Variants in HTN1 observed in about 807,000 individuals in gnomAD.
The protein encoded by HTN1 is histatin-1.
A neutral mutation model predicts 11.2 loss-of-function variants in HTN1; 18 were observed. The observed-to-expected ratio is 1.61, with a 90% CI of 1.12 to 2.39. The LOEUF (loss-of-function observed/expected upper bound fraction) is 2.39. Among genes scored for constraint, HTN1 ranks in the 30% most tolerant of loss-of-function variants. HTN1 has a pLI of 0.00. For synonymous variants in HTN1, 21 were observed against 20.5 expected (o/e 1.02, Z -0.07); for missense variants, 80 against 67.2 (o/e 1.19, Z -0.67).
intron 2 of HTN1, among the ~76,000 whole-genome samples, chr4:70,053,871 A>G (rs1050170356): frequency 2.6e-5 from 4 of 152,190 alleles, no homozygotes; most frequent in Non-Finnish European, 5.9e-5. Context: ...ATCACAGTTT[A>G]TCACGTGATT....
chr4:70,051,126 A>G (rs1335917254), intron 1 of HTN1, among the ~76,000 whole-genome samples: 5 of 152,168 alleles, frequency 3.3e-5, no homozygotes, highest in African/African-American at 9.7e-5. Flanking sequence ...TTAATTCTAC[A>G]TTTAACTTAA....
At position 70,053,072 on chromosome 4, in the gene HTN1, C is replaced by G. The variant is rs970313919; in HGVS notation, c.-5C>G. ...CATGTTTGATTTTATAGGACTCAGC[C>G]AACTATGAAGTTTTTTGTCTTTGCT... On this transcript the variant is annotated 5_prime_UTR_variant, in exon 2 of 6. Transcript: ENST00000246896. The G allele has an allele frequency of 1.6e-5, 25 of 1,601,078 alleles. No individual in the cohort carries two copies. The African/African-American group carries it at 3.4e-4, about 21-fold the overall frequency.
chr4:70,052,935 C>G, intron 1 of HTN1, 129 bp from the exon 2 acceptor site: 4 of 661,508 alleles, frequency 6.0e-6, no homozygotes, highest in Admixed American at 4.5e-5. Context: ...TGTGCTCATG[C>G]CCCTGCACTC....
intron 2 of HTN1, 66 bp downstream of exon 2, chr4:70,053,193 CT>C (rs777364472): frequency 1.9e-6 from 2 of 1,057,808 alleles, no homozygotes; most frequent in Non-Finnish European, 2.9e-6. Context: ...TCTCTTATTC[CT>C]TGTGTTCTGG....
chr4:70,055,448 T>C (rs72651134), intron 4 of HTN1, 50 bp from the exon 5 acceptor site: 101,077 of 1,304,078 alleles, frequency 0.078, 4,588 homozygotes, highest in Middle Eastern at 0.1. Context: ...ACACTTGTAT[T>C]GTCATTCTCT....
chr4:70,052,452 C>T (rs904347578), intron 1 of HTN1, among the ~76,000 whole-genome samples: 4 of 152,102 alleles, frequency 2.6e-5, no homozygotes, highest in Non-Finnish European at 5.9e-5. Flanking sequence ...ATGTGTTGAA[C>T]TGTTTGCATT....
intron 1 of HTN1, 43 bp from the exon 2 acceptor site, chr4:70,053,021 A>C (rs1306337630): frequency 8.6e-7 from 1 of 1,161,212 alleles, no homozygotes; most frequent in Non-Finnish European, 1.3e-6. Flanking sequence ...GAATGAATGC[A>C]TGAAAGAATG....
chr4:70,054,573 T>A (rs1560435633), intron 4 of HTN1, 123 bp downstream of exon 4: 1 of 651,888 alleles, frequency 1.5e-6, no homozygotes. Flanking sequence ...AAGTGCACAT[T>A]GATTTCATTT....
chr4:70,052,079 A>G (rs1452256174), intron 1 of HTN1, among the ~76,000 whole-genome samples: 1 of 152,192 alleles, frequency 6.6e-6, no homozygotes, highest in African/African-American at 2.4e-5. Context: ...AAAGCATATC[A>G]GAGTCCCAGA....
intron 1 of HTN1, among the ~76,000 whole-genome samples, chr4:70,051,974 G>T (rs1460627812): frequency 2.0e-5 from 3 of 152,096 alleles, no homozygotes; most frequent in Non-Finnish European, 4.4e-5. Flanking sequence ...CAATGGAAAT[G>T]CTTTTATTTA....
Position 70,053,125 on chromosome 4 carries a change from A to G in HTN1, c.49A>G (p.Ile17Val). ...AGTCTTGGCTCTCATGATTTCCATG[A>G]TTGTAAGTATATCTGGAAATTTTAA... ...ALVLALMISMISADSHEKRHH... is the reference protein window; with the variant it reads ...ALVLALMISMVSADSHEKRHH... Residue 17 changes from isoleucine (I) to valine (V), a missense_variant and splice_region_variant, in exon 2 of 6, where the codon ATT becomes GTT. Physicochemically the swap from Ile to Val is conservative, Grantham distance 29. Transcript: ENST00000246896. The G allele has an allele frequency of 1.3e-6, 2 of 1,598,002 alleles. No individual in the cohort carries two copies. Among genetic ancestry groups the G allele is most frequent in the Non-Finnish European group, 1.7e-6 (2 of 1,165,782 alleles).
rs746786867 is a variant in HTN1 at position 70,054,328 on chromosome 4, G to T, written c.58G>T (p.Asp20Tyr). Residue 20 changes from aspartate (D) to tyrosine (Y), a missense_variant, in exon 3 of 6, where the codon GAT (aspartate) becomes TAT (tyrosine). Transcript: ENST00000246896. ...LALMISMISADSHEKRHHGYR... is the reference protein window; with the variant it reads ...LALMISMISAYSHEKRHHGYR... ...CATTTTCTTTTTTTCCAAGAGCGCT[G>T]ATTCACATGAAAAGGTAAGACATTT... 1.2e-5 allele frequency: 18 copies of T among 1,509,808 alleles called. No homozygotes were observed. The African/African-American group carries it at 2.4e-4, about 20-fold the overall frequency. The allele number at this position is 1,509,808 out of a possible 1,614,324, so 93.5% of individuals were successfully genotyped here. A position where few individuals can be genotyped will look rare whatever the true frequency, so the allele number is the denominator to read the frequency against.
chr4:70,053,868 T>C (rs1210635165), intron 2 of HTN1, among the ~76,000 whole-genome samples: 1 of 152,154 alleles, frequency 6.6e-6, no homozygotes, highest in East Asian at 1.9e-4. Flanking sequence ...GATATCACAG[T>C]TTATCACGTG....
chr4:70,052,970 C>G, intron 1 of HTN1, 94 bp from the exon 2 acceptor site: 1 of 775,590 alleles, frequency 1.3e-6, no homozygotes, highest in South Asian at 1.5e-5. Flanking sequence ...GAGCATGTCT[C>G]CCAATGCTTT....
In HTN1 at chr4:70,053,261, G is replaced by A. The variant is rs72853490; in HGVS notation, c.51+134G>A. Reference sequence around the variant, plus strand: ...ATAAGCTTTAATATTTCCCTACAAGGAGTTTCTTTGAATTAACTTATGTAA... The same window carrying A: ...ATAAGCTTTAATATTTCCCTACAAGAAGTTTCTTTGAATTAACTTATGTAA... On this transcript the variant is annotated intron_variant, in intron 2 of 5. Transcript: ENST00000246896. 2,075 of 553,578 alleles carry A rather than the reference G, an allele frequency of 3.7e-3. 32 individuals are homozygous for A. Among genetic ancestry groups the A allele is most frequent in the African/African-American group, 0.033 (1,773 of 53,172 alleles). The allele number at this position is 553,578 out of a possible 1,614,324, so 34.3% of individuals were successfully genotyped here.
intron 4 of HTN1, among the ~76,000 whole-genome samples, chr4:70,055,009 A>C (rs111981261): frequency 6.6e-6 from 1 of 152,060 alleles, no homozygotes; most frequent in Non-Finnish European, 1.5e-5. Flanking sequence ...TTAAAAAAGC[A>C]CCAAGTAAAA....
intron 1 of HTN1, among the ~76,000 whole-genome samples, chr4:70,050,885 T>C (rs1725875116): frequency 1.3e-5 from 2 of 152,178 alleles, no homozygotes; most frequent in Non-Finnish European, 2.9e-5. Flanking sequence ...ATCTAGGTTT[T>C]AAGCCCCGCA....
At position 70,055,574 on chromosome 4, in the gene HTN1, C is replaced by T. The variant is rs372745567; in HGVS notation, c.*5C>T. 319 of 1,520,014 alleles carry T rather than the reference C, an allele frequency of 2.1e-4. No homozygotes were observed. Among genetic ancestry groups the T allele is most frequent in the Non-Finnish European group, 2.8e-4 (311 of 1,096,000 alleles). The allele number at this position is 1,520,014 out of a possible 1,614,324, so 94.2% of individuals were successfully genotyped here. A position where few individuals can be genotyped will look rare whatever the true frequency, so the allele number is the denominator to read the frequency against. On this transcript the variant is annotated 3_prime_UTR_variant, in exon 5 of 6. Transcript: ENST00000246896. Reference sequence around the variant, plus strand: ...AATTATCTATATGACAATTGATATCCTTAGTAATCATGGGGCATGATTATA... The same window carrying T: ...AATTATCTATATGACAATTGATATCTTTAGTAATCATGGGGCATGATTATA...
At chr4:70,056,398 T>G (rs61372453) in intron 5 of HTN1, 1 of 151,940 alleles carries the variant, frequency 6.6e-6, no homozygotes, top group Non-Finnish European at 1.5e-5. Flanking sequence ...CAAGACAGAT[T>G]AAAAACTTAA....
Sources: allele counts gnomAD v4.1 joint callset (sites outside exome capture counted in the v4.1 genomes callset), GRCh38; gene constraint gnomAD v4.1.1; transcripts MANE v1.5; gene names NCBI Gene and HGNC (gene_info 2026-07-23, HGNC 2026-07-21).